The following B4GALNT2 variants were observed in gnomAD, a reference collection of about 807,000 sequenced individuals.
The protein encoded by B4GALNT2 is beta-1,4-N-acetyl-galactosaminyltransferase 2 (SID blood group).
A neutral mutation model predicts 51.1 loss-of-function variants in B4GALNT2; 42 were observed. That is an observed-to-expected ratio of 0.82 (90% CI 0.64 to 1.06). The LOEUF is 1.06. Among genes scored for constraint, B4GALNT2 ranks in the 50% least tolerant of loss-of-function variants. The pLI is 0.00. For missense variants in B4GALNT2, 602 were observed against 633.6 expected (o/e 0.95, Z 0.54); for synonymous variants, 253 against 251.7 (o/e 1.01, Z -0.05).
chr17:49,142,237 G>T, intron 3 of B4GALNT2, 65 bp downstream of exon 3: 1 of 1,587,412 alleles, frequency 6.3e-7, no homozygotes. Context: ...ATGTCCTGAG[G>T]TTGTGAATCT....
At chr17:49,122,235 G>A in the B4GALNT2 span, among the ~76,000 whole-genome samples, 12 of 152,178 alleles carry the variant, frequency 7.9e-5, no homozygotes, top group Non-Finnish European at 1.6e-4. Flanking sequence ...GGATTTAGGC[G>A]GCTTTTGATC....
Position 49,173,827 on chromosome 17 carries a change from A to G in B4GALNT2, c.*4099A>G, listed in dbSNP as rs987172252. The stretch of plus-strand genomic sequence containing the variant: ...TGAATGCCGAGTTGAAAAAATTAGC[A>G]AATCTAGAGTCTTTTCTGGATCTAT... On this transcript the variant is annotated 3_prime_UTR_variant, in exon 11 of 11. Transcript: ENST00000393354. The G allele has an allele frequency of 4.0e-5, 6 of 151,320 alleles. No individual in the cohort carries two copies. The highest frequency in any genetic ancestry group is 8.8e-5 in the Non-Finnish European group (6 of 67,860). The allele number at this position is 151,320 out of a possible 1,614,324, so 9.4% of individuals were successfully genotyped here.
chr17:49,141,914 C>A (rs191804527), intron 2 of B4GALNT2, 121 bp from the exon 3 acceptor site: 3 of 1,288,976 alleles, frequency 2.3e-6, no homozygotes, highest in East Asian at 2.3e-5. Context: ...CATCTCAGAA[C>A]AGTTGGGTGT....
At chr17:49,158,747 G>T (rs1289049134) in intron 5 of B4GALNT2, among the ~76,000 whole-genome samples, 3 of 152,114 alleles carry the variant, frequency 2.0e-5, no homozygotes, top group Admixed American at 6.6e-5. Context: ...AAAGGCTGTG[G>T]GTGGAATAAG....
intron 4 of B4GALNT2, among the ~76,000 whole-genome samples, chr17:49,154,437 GC>G (rs1161640438): frequency 1.3e-5 from 2 of 152,036 alleles, no homozygotes; most frequent in Admixed American, 1.3e-4. Context: ...AGAAGGATGA[GC>G]CTGCAGGCAC....
At position 49,153,048 on chromosome 17, in the gene B4GALNT2, A is replaced by G. The variant is rs2042774596; in HGVS notation, c.460+142A>G. 1.8e-5 allele frequency: 13 copies of G among 733,562 alleles called. No homozygotes were observed. The East Asian group carries it at 3.3e-4, about 18-fold the overall frequency. 45.4% of individuals were successfully genotyped at this position (733,562 alleles called of 1,614,324 possible). The stretch of plus-strand genomic sequence containing the variant: ...AAAGCAGGAGTTCAAGACTGCAGTG[A>G]GCTATCATCTTGCCAATACACTCCA... On this transcript the variant is annotated intron_variant, in intron 4 of 10. Transcript: ENST00000393354.
At chr17:49,132,989 T>C in intron 1 of B4GALNT2, 183 bp downstream of exon 1, 1 of 1,442,334 alleles carries the variant, frequency 6.9e-7, no homozygotes, top group Non-Finnish European at 9.1e-7. Flanking sequence ...AGAGGCGAGG[T>C]GACGGCGCGT....
chr17:49,157,981 G>A (rs1167764100), intron 5 of B4GALNT2, among the ~76,000 whole-genome samples: 2 of 152,270 alleles, frequency 1.3e-5, no homozygotes, highest in African/African-American at 4.8e-5. Context: ...AGATAACTGC[G>A]ATGACTCACA....
At chr17:49,126,496 TAA>T in the B4GALNT2 span, among the ~76,000 whole-genome samples, 3 of 118,770 alleles carry the variant, frequency 2.5e-5, no homozygotes. Flanking sequence ...GAATGATCAA[TAA>T]AAAAAAAAAA....
rs1449138154 is a variant in B4GALNT2 at position 49,170,075 on chromosome 17, CTTGATAG to C, written c.*351_*357del. 4 of 196,076 alleles carry C rather than the reference CTTGATAG, an allele frequency of 2.0e-5. No homozygotes were observed. The highest frequency in any genetic ancestry group is 9.3e-5 in the African/African-American group (4 of 43,142). The allele number at this position is 196,076 out of a possible 1,614,324, so 12.1% of individuals were successfully genotyped here. A position where few individuals can be genotyped will look rare whatever the true frequency, so the allele number is the denominator to read the frequency against. On this transcript the variant is annotated 3_prime_UTR_variant, in exon 11 of 11. Coordinates refer to ENST00000393354, the MANE Select transcript of B4GALNT2 (RefSeq NM_001159387.2). ...CAGTCAAAAGAACAGCTGCCTGGTC[CTTGATAG>C]TTGTTTGGTGGAAATTCTGTCACAG...
upstream of B4GALNT2, among the ~76,000 whole-genome samples, chr17:49,131,712 T>C (rs2042540743): frequency 6.6e-6 from 1 of 152,174 alleles, no homozygotes; most frequent in Admixed American, 6.5e-5. Flanking sequence ...GGTTTCACTA[T>C]GTTGCCCAGG....
chr17:49,126,650 C>CTTTT, the B4GALNT2 span, among the ~76,000 whole-genome samples: 3 of 88,026 alleles, frequency 3.4e-5, no homozygotes, highest in South Asian at 3.6e-4. Context: ...TTCTTTCTTT[C>CTTTT]TTTTTTTTTT....
At chr17:49,141,487 C>T in intron 2 of B4GALNT2, 40 bp downstream of exon 2, 1 of 1,585,266 alleles carries the variant, frequency 6.3e-7, no homozygotes, top group Non-Finnish European at 8.6e-7. Context: ...TTAATGCACA[C>T]ATCTTCCTTG....
rs1233651565 is a variant in B4GALNT2 at position 49,174,456 on chromosome 17, A to C, written c.*4728A>C. 1.1e-4 allele frequency: 17 copies of C among 152,232 alleles called. No homozygotes were observed. The highest frequency in any genetic ancestry group is 1.0e-3 in the Admixed American group (16 of 15,280). The allele number at this position is 152,232 out of a possible 1,614,324, so 9.4% of individuals were successfully genotyped here. Reference sequence around the variant, plus strand: ...TCAGCTAAGGGGATAGTAAAGAAACAGTCTTTTAAATCTATGACTATTAAA... The same window carrying C: ...TCAGCTAAGGGGATAGTAAAGAAACCGTCTTTTAAATCTATGACTATTAAA... On this transcript the variant is annotated 3_prime_UTR_variant, in exon 11 of 11. Coordinates refer to ENST00000393354, the MANE Select transcript of B4GALNT2 (RefSeq NM_001159387.2).
chr17:49,156,677 CTTTG>C, intron 5 of B4GALNT2, 74 bp downstream of exon 5: 2 of 1,518,476 alleles, frequency 1.3e-6, no homozygotes, highest in Non-Finnish European at 1.8e-6. Context: ...TGCTCTCAGC[CTTTG>C]ACGGAGCCCC....
At chr17:49,128,383 C>T (rs1382965783), upstream of B4GALNT2, among the ~76,000 whole-genome samples, 1 of 152,018 alleles carries the variant, frequency 6.6e-6, no homozygotes, top group Non-Finnish European at 1.5e-5. Flanking sequence ...GCAGAGGGTT[C>T]AGATGGGTGA....
At chr17:49,167,851 C>T (rs1012805552) in intron 9 of B4GALNT2, among the ~76,000 whole-genome samples, 2 of 152,116 alleles carry the variant, frequency 1.3e-5, no homozygotes, top group Non-Finnish European at 1.5e-5. Flanking sequence ...CTCAGGTGAT[C>T]CACCCACCTC....
In B4GALNT2 at chr17:49,171,592, C is replaced by G; in HGVS notation, c.*1864C>G. Reference sequence around the variant, plus strand: ...ATTTGAGGTTGAGGTGCCACTATACCGCCACGTTTCCAGATAATGGGAACT... The same window carrying G: ...ATTTGAGGTTGAGGTGCCACTATACGGCCACGTTTCCAGATAATGGGAACT... On this transcript the variant is annotated 3_prime_UTR_variant, in exon 11 of 11. Coordinates refer to ENST00000393354, the MANE Select transcript of B4GALNT2 (RefSeq NM_001159387.2). 2.4e-6 allele frequency: 1 copy of G among 412,768 alleles called. No individual in the cohort carries two copies. The highest frequency in any genetic ancestry group is 4.7e-6 in the Non-Finnish European group (1 of 213,272). 25.6% of individuals were successfully genotyped at this position (412,768 alleles called of 1,614,324 possible).
At chr17:49,134,234 A>G (rs1598193494) in intron 1 of B4GALNT2, among the ~76,000 whole-genome samples, 2 of 152,374 alleles carry the variant, frequency 1.3e-5, no homozygotes, top group South Asian at 4.1e-4. Flanking sequence ...TTGACAAATA[A>G]TAATCGTACA....
Sources: allele counts gnomAD v4.1 joint callset (sites outside exome capture counted in the v4.1 genomes callset), GRCh38; gene constraint gnomAD v4.1.1; transcripts MANE v1.5; gene names NCBI Gene and HGNC (gene_info 2026-07-23, HGNC 2026-07-21).